CENPP: variants seen among roughly 807,000 people sequenced by gnomAD.
The protein encoded by CENPP is centromere protein P.
In CENPP, 24 loss-of-function variants were observed where a neutral mutation model predicts 35.6. That is an observed-to-expected ratio of 0.67 (90% confidence interval 0.49 to 0.95). The LOEUF (loss-of-function observed/expected upper bound fraction) is 0.95. Among genes scored for constraint, CENPP ranks in the 40% least tolerant of loss-of-function variants. CENPP has a pLI of 0.00. For missense variants in CENPP, 332 were observed against 345.3 expected (o/e 0.96, Z 0.31); for synonymous variants, 120 against 125.5 (o/e 0.96, Z 0.29).
chr9:92,364,761 A>C (rs923313063), intron 4 of CENPP, among the ~76,000 whole-genome samples: 1 of 152,234 alleles, frequency 6.6e-6, no homozygotes, highest in African/African-American at 2.4e-5. Flanking sequence ...TGAAGCTTAC[A>C]ACCTAGTGTA....
rs1851336860 is a variant in CENPP at position 92,613,551 on chromosome 9, G to C, written c.*402G>C. 1 of 208,620 alleles carries C rather than the reference G, an allele frequency of 4.8e-6. No homozygotes were observed. The highest frequency in any genetic ancestry group is 9.8e-6 in the Non-Finnish European group (1 of 101,650). 12.9% of individuals were successfully genotyped at this position (208,620 alleles called of 1,614,324 possible). A position where few individuals can be genotyped will look rare whatever the true frequency, so the allele number is the denominator to read the frequency against. ...GTTCCTGCCTCCTGGGGGCTCTGGA[G>C]ACGGATGCCTATGGCGCCTCATCTT... On this transcript the variant is annotated 3_prime_UTR_variant, in exon 8 of 8. Transcript: ENST00000375587.
chr9:92,579,661 C>G (rs1356952443), intron 5 of CENPP, among the ~76,000 whole-genome samples: 51 of 149,886 alleles, frequency 3.4e-4, no homozygotes, highest in Admixed American at 1.1e-3. Flanking sequence ...TGTATCCTGA[C>G]ACTTTGCTGA....
chr9:92,478,199 A>G (rs982697632), intron 5 of CENPP, among the ~76,000 whole-genome samples: 1 of 151,812 alleles, frequency 6.6e-6, no homozygotes, highest in Non-Finnish European at 1.5e-5. Context: ...TCTTTGCTTT[A>G]TTTCTGCATA....
intron 5 of CENPP, among the ~76,000 whole-genome samples, chr9:92,389,432 A>G (rs1842576554): frequency 6.6e-6 from 1 of 152,242 alleles, no homozygotes; most frequent in Non-Finnish European, 1.5e-5. Context: ...TTAAATATTA[A>G]AAGTTAAATT....
At chr9:92,340,992 A>G (rs1841097541) in intron 3 of CENPP, among the ~76,000 whole-genome samples, 1 of 152,174 alleles carries the variant, frequency 6.6e-6, no homozygotes, top group African/African-American at 2.4e-5. Flanking sequence ...ATATGGCTGA[A>G]TTCTTTTTCT....
At chr9:92,355,480 G>A (rs1266753655) in intron 4 of CENPP, among the ~76,000 whole-genome samples, 1 of 151,996 alleles carries the variant, frequency 6.6e-6, no homozygotes, top group Non-Finnish European at 1.5e-5. Flanking sequence ...CACTACAGCT[G>A]CAAAAATAAT....
intron 5 of CENPP, chr9:92,522,968 G>A (rs1848170350): frequency 2.2e-6 from 3 of 1,348,414 alleles, no homozygotes; most frequent in South Asian, 1.5e-5. Flanking sequence ...ATATTTGCTT[G>A]TATGCCTCAG....
chr9:92,412,275 CAGG>C (rs938406804), intron 5 of CENPP, among the ~76,000 whole-genome samples: 2 of 151,848 alleles, frequency 1.3e-5, no homozygotes, highest in African/African-American at 4.8e-5. Context: ...TTTGTAGAGA[CAGG>C]GTTTCACTGT....
chr9:92,466,332 A>T, intron 5 of CENPP: 1 of 1,366,128 alleles, frequency 7.3e-7, no homozygotes, highest in South Asian at 1.2e-5. Flanking sequence ...TAATTTCAAG[A>T]TGTCCCATTC....
chr9:92,400,943 G>C, intron 5 of CENPP: 1 of 517,218 alleles, frequency 1.9e-6, no homozygotes, highest in Non-Finnish European at 3.4e-6. Flanking sequence ...CAAATGGTGT[G>C]CACTCCCAGT....
At chr9:92,576,556 C>A (rs1019925144) in intron 5 of CENPP, among the ~76,000 whole-genome samples, 8 of 151,682 alleles carry the variant, frequency 5.3e-5, no homozygotes, top group Admixed American at 3.9e-4. Flanking sequence ...CATTGTATGC[C>A]TGTTTGTTGA....
rs1468591972 is a variant in CENPP at position 92,610,103 on chromosome 9, T to C, written c.565-1211T>C. 2.0e-5 allele frequency among the ~76,000 whole-genome samples: 3 copies of C among 152,136 alleles called. No homozygotes were observed. In the East Asian group the frequency reaches 5.8e-4, roughly 29 times the overall value. On this transcript the variant is annotated intron_variant, in intron 5 of 7. Coordinates refer to ENST00000375587, the MANE Select transcript of CENPP (RefSeq NM_001012267.3). ...CGGAGTCTTGCTCTGTCGCCCAGGC[T>C]GGAGTGCAGTGGTGCGATCTCAGCT...
chr9:92,595,591 A>C (rs1273147150), intron 5 of CENPP, among the ~76,000 whole-genome samples: 1 of 148,016 alleles, frequency 6.8e-6, no homozygotes, highest in East Asian at 2.0e-4. Flanking sequence ...TTTTTCATGG[A>C]GTCTCGCTCT....
rs914905059 is a variant in CENPP at position 92,452,308 on chromosome 9, A to G, written c.564+72449A>G. Reference sequence around the variant, plus strand: ...AATTTATTGAGAGTTTTTAGCATGAAGGGTTGTTGAATTTTGTCAAAGGCC... The same window carrying G: ...AATTTATTGAGAGTTTTTAGCATGAGGGGTTGTTGAATTTTGTCAAAGGCC... On this transcript the variant is annotated intron_variant, in intron 5 of 7. Coordinates refer to ENST00000375587, the MANE Select transcript of CENPP (RefSeq NM_001012267.3). Among the ~76,000 whole-genome samples, 138 of 151,866 alleles carry G rather than the reference A, an allele frequency of 9.1e-4. 1 individual carries two copies. The highest frequency in any genetic ancestry group is 3.1e-3 in the African/African-American group (128 of 41,454).
chr9:92,541,078 G>C (rs1021037700), intron 5 of CENPP, among the ~76,000 whole-genome samples: 1 of 151,742 alleles, frequency 6.6e-6, no homozygotes, highest in South Asian at 2.1e-4. Context: ...TGGCCAACAT[G>C]GTGAAACCCC....
intron 5 of CENPP, among the ~76,000 whole-genome samples, chr9:92,440,424 A>G (rs1395422779): frequency 6.6e-6 from 1 of 152,112 alleles, no homozygotes; most frequent in Non-Finnish European, 1.5e-5. Flanking sequence ...AAGCTTACGA[A>G]TTTGTGTTGG....
chr9:92,434,763 C>A (rs1844205742), intron 5 of CENPP, among the ~76,000 whole-genome samples: 1 of 152,084 alleles, frequency 6.6e-6, no homozygotes, highest in Non-Finnish European at 1.5e-5. Flanking sequence ...GTTTTCTGGG[C>A]AAGATGGGGT....
chr9:92,596,413 G>A (rs111311457), intron 5 of CENPP, among the ~76,000 whole-genome samples: 2,147 of 127,460 alleles, frequency 0.017, 25 homozygotes, highest in Non-Finnish European at 0.023. Flanking sequence ...GGAGTTCAAG[G>A]CCAGCCTAGG....
intron 5 of CENPP, among the ~76,000 whole-genome samples, chr9:92,490,593 G>A (rs928070961): frequency 1.3e-5 from 2 of 152,160 alleles, no homozygotes; most frequent in Non-Finnish European, 2.9e-5. Context: ...CCCTTTGGAA[G>A]TTTCACTTCA....
Sources: gnomAD v4.1 joint callset for allele counts (sites outside exome capture counted in the v4.1 genomes callset) on GRCh38, gnomAD v4.1.1 for gene constraint, MANE v1.5 for transcripts, NCBI Gene and HGNC (gene_info 2026-07-23, HGNC 2026-07-21) for gene names.